The following MGMT variants were observed in gnomAD, a reference collection of about 807,000 sequenced individuals.
The protein encoded by MGMT is O-6-methylguanine-DNA methyltransferase.
Under a neutral mutation model 15.9 loss-of-function variants are expected in MGMT, and 14 were observed. The observed-to-expected ratio is 0.88, with a 90% CI of 0.58 to 1.37. The LOEUF (loss-of-function observed/expected upper bound fraction) is 1.37. Ranked by LOEUF, MGMT falls within the 40% of genes most tolerant of loss-of-function variation. MGMT has a pLI of 0.00. For synonymous variants in MGMT, 130 were observed against 118.2 expected, an observed-to-expected ratio of 1.10 and a Z score of -0.65; for missense variants, 282 against 268.1, an observed-to-expected ratio of 1.05 and a Z score of -0.36.
At chr10:129,621,477 G>A (rs906450555) in intron 2 of MGMT, among the ~76,000 whole-genome samples, 6 of 152,174 alleles carry the variant, frequency 3.9e-5, no homozygotes, top group African/African-American at 1.2e-4. Flanking sequence ...ATGTTGAAAG[G>A]GCGCAGGGGG....
chr10:129,711,345 A>G (rs1425335792), intron 3 of MGMT, among the ~76,000 whole-genome samples: 2 of 152,258 alleles, frequency 1.3e-5, no homozygotes, highest in African/African-American at 2.4e-5. Context: ...GGGAATTTCC[A>G]AAGACAGGTT....
chr10:129,752,510 T>G (rs953922945), intron 3 of MGMT, among the ~76,000 whole-genome samples: 1 of 151,206 alleles, frequency 6.6e-6, no homozygotes, highest in Admixed American at 6.6e-5. Flanking sequence ...GTCTAACATT[T>G]TATTGTTTGT....
intron 1 of MGMT, among the ~76,000 whole-genome samples, chr10:129,497,366 G>A (rs139519816): frequency 1.7e-4 from 26 of 152,302 alleles, no homozygotes; most frequent in Non-Finnish European, 3.2e-4. Flanking sequence ...GGGCCCTGCA[G>A]ATTCTTCACA....
chr10:129,651,541 A>T (rs939113851), intron 2 of MGMT, among the ~76,000 whole-genome samples: 2 of 152,174 alleles, frequency 1.3e-5, no homozygotes, highest in African/African-American at 2.4e-5. Context: ...ATTTAGCCAG[A>T]TATATTTGTC....
chr10:129,606,071 G>A (rs1029460091), intron 2 of MGMT, among the ~76,000 whole-genome samples: 4 of 152,186 alleles, frequency 2.6e-5, no homozygotes, highest in South Asian at 2.1e-4. Flanking sequence ...CCTCTCTCTC[G>A]TAAAACAACG....
At chr10:129,537,011 G>C (rs1218474593) in intron 2 of MGMT, 2 of 152,088 alleles carry the variant, frequency 1.3e-5, no homozygotes, top group African/African-American at 4.8e-5. Context: ...TTTGTGAACA[G>C]CTCCCACTAT....
chr10:129,674,923 C>T (rs531787896), intron 2 of MGMT, among the ~76,000 whole-genome samples: 3 of 152,300 alleles, frequency 2.0e-5, no homozygotes, highest in South Asian at 2.1e-4. Flanking sequence ...ATGAACAAAG[C>T]GTGGCTCAGT....
chr10:129,678,688 C>T (rs1191809485), intron 2 of MGMT, among the ~76,000 whole-genome samples: 1 of 152,154 alleles, frequency 6.6e-6, no homozygotes, highest in Non-Finnish European at 1.5e-5. Flanking sequence ...GAAATCCACT[C>T]CCTAATGTTT....
At chr10:129,496,727 C>T (rs1031743396) in intron 1 of MGMT, among the ~76,000 whole-genome samples, 1 of 152,206 alleles carries the variant, frequency 6.6e-6, no homozygotes, top group Non-Finnish European at 1.5e-5. Context: ...AGAAATAACT[C>T]ACAAGGGAGC....
intron 2 of MGMT, among the ~76,000 whole-genome samples, chr10:129,686,492 A>G (rs1847905835): frequency 6.6e-6 from 1 of 152,060 alleles, no homozygotes; most frequent in Non-Finnish European, 1.5e-5. Flanking sequence ...CCCCTACCTT[A>G]GCCTCCCAAG....
chr10:129,754,997 G>A (rs145380667), intron 3 of MGMT, among the ~76,000 whole-genome samples: 2,458 of 152,282 alleles, frequency 0.016, 25 homozygotes, highest in African/African-American at 0.019. Flanking sequence ...TAGTAAGTTC[G>A]GGCTGAGGAC....
At chr10:129,582,502 A>G (rs534928417) in intron 2 of MGMT, among the ~76,000 whole-genome samples, 1 of 152,300 alleles carries the variant, frequency 6.6e-6, no homozygotes, top group East Asian at 1.9e-4. Context: ...TGTTCTCCGT[A>G]CAACGTCTTC....
intron 4 of MGMT, among the ~76,000 whole-genome samples, chr10:129,762,245 C>T (rs561616090): frequency 6.6e-6 from 1 of 152,288 alleles, no homozygotes; most frequent in South Asian, 2.1e-4. Context: ...AGTGATTGTG[C>T]ATTTAAGGGA....
chr10:129,586,071 A>T (rs911603600), intron 2 of MGMT, among the ~76,000 whole-genome samples: 1 of 152,098 alleles, frequency 6.6e-6, no homozygotes, highest in African/African-American at 2.4e-5. Context: ...CTCAGGTGGG[A>T]TGGGGCGAGA....
At chr10:129,602,302 G>C (rs1043257615) in intron 2 of MGMT, among the ~76,000 whole-genome samples, 1 of 151,954 alleles carries the variant, frequency 6.6e-6, no homozygotes, top group Non-Finnish European at 1.5e-5. Flanking sequence ...GAAAAGGAAC[G>C]CGCTTCCTGA....
intron 4 of MGMT, among the ~76,000 whole-genome samples, chr10:129,761,772 A>C (rs1283534508): frequency 6.6e-6 from 1 of 152,126 alleles, no homozygotes; most frequent in Non-Finnish European, 1.5e-5. Context: ...CGGCGTCCAC[A>C]TGCCTCCTGT....
intron 1 of MGMT, among the ~76,000 whole-genome samples, chr10:129,521,920 C>T (rs1020390589): frequency 3.9e-5 from 6 of 152,176 alleles, no homozygotes; most frequent in Non-Finnish European, 8.8e-5. Flanking sequence ...GTTTGCAGAC[C>T]GAGGCCCATG....
At chr10:129,574,263 C>T (rs1846453729) in intron 2 of MGMT, among the ~76,000 whole-genome samples, 1 of 152,198 alleles carries the variant, frequency 6.6e-6, no homozygotes, top group South Asian at 2.1e-4. Flanking sequence ...ATATGCTTTT[C>T]TGTTTTCACA....
chr10:129,630,012 T>G (rs1176086548), intron 2 of MGMT, among the ~76,000 whole-genome samples: 3 of 152,224 alleles, frequency 2.0e-5, no homozygotes, highest in Non-Finnish European at 1.5e-5. Flanking sequence ...CGTGGAGTGA[T>G]GAACTTGTAA....
Sources: allele counts gnomAD v4.1 joint callset (sites outside exome capture counted in the v4.1 genomes callset), GRCh38; gene constraint gnomAD v4.1.1; transcripts MANE v1.5; gene names NCBI Gene and HGNC (gene_info 2026-07-23, HGNC 2026-07-21).